Variants in LRRC66 observed in about 807,000 individuals in gnomAD.
LRRC66 encodes the protein leucine rich repeat containing 66, also known as leucine-rich repeat-containing protein 66.
LRRC66 carries 29 observed loss-of-function variants against 24.6 expected under a neutral mutation model. The ratio of observed to expected loss-of-function variants is 1.18; its 90% confidence interval spans 0.88 to 1.61. LRRC66 has a LOEUF of 1.61. Ranked by LOEUF, LRRC66 falls within the 40% of genes most tolerant of loss-of-function variation. The probability of loss-of-function intolerance (pLI) is 0.00; values close to 1 mark genes in which losing one functional copy is unlikely to be tolerated. For synonymous variants in LRRC66, 411 were observed against 397.6 expected, an observed-to-expected ratio of 1.03 and a Z score of -0.40; for missense variants, 1,124 against 1,058.0, an observed-to-expected ratio of 1.06 and a Z score of -0.87.
rs544683243 is a variant in LRRC66, at chr4:52,017,436, G to C, written c.178C>G (p.Gln60Glu). 1.4e-5 allele frequency: 23 copies of C among 1,613,936 alleles called. No individual in the cohort carries two copies. Among genetic ancestry groups the C allele is most frequent in the Non-Finnish European group, 1.9e-5 (22 of 1,179,980 alleles). Residue 60 changes from glutamine to glutamate, a missense_variant, in exon 2 of 5, where the codon CAG (glutamine) becomes GAG (glutamate). Transcript: ENST00000682860. ...GKCDIPVDISQTAATVDVSFN... is the reference protein window; with the variant it reads ...GKCDIPVDISETAATVDVSFN... Reference sequence around the variant, plus strand: ...CTTACATCCACAGTGGCTGCTGTCTGTGATATGTCCACAGGTATATCACAC... The same window carrying C: ...CTTACATCCACAGTGGCTGCTGTCTCTGATATGTCCACAGGTATATCACAC...
At chr4:51,996,757 G>A (rs1023431874) in intron 4 of LRRC66, among the ~76,000 whole-genome samples, 1 of 152,190 alleles carries the variant, frequency 6.6e-6, no homozygotes. Context: ...AGAGGTCCTG[G>A]AGGTTGTATG....
In LRRC66 at chr4:51,994,490, T is replaced by G. The variant is rs1267439968; in HGVS notation, c.2532A>C (p.Leu844Phe). Reference protein sequence around the residue: ...AAEWHCSLRDLEFSNVDVLQQ... With the variant: ...AAEWHCSLRDFEFSNVDVLQQ... ...GTAAAACGTCCACATTTGAAAATTCTAAGTCTCTAAGTGAGCAATGCCATT... is the reference window on the plus strand; with the variant it reads ...GTAAAACGTCCACATTTGAAAATTCGAAGTCTCTAAGTGAGCAATGCCATT... Residue 844 changes from leucine to phenylalanine, a missense_variant, in exon 5 of 5, where the codon TTA becomes TTC. Coordinates refer to ENST00000682860, the MANE Select transcript of LRRC66 (RefSeq NM_001024611.3). 1 of 1,614,130 alleles carries G rather than the reference T, an allele frequency of 6.2e-7. No homozygotes were observed. Among genetic ancestry groups the G allele is most frequent in the African/African-American group, 1.3e-5 (1 of 74,954 alleles).
rs1384428358 is a variant in LRRC66, at chr4:51,997,875, T to C, written c.729A>G (p.Glu243=). Residue 243 remains glutamate (E), a synonymous_variant, in exon 4 of 5, where the codon GAA becomes GAG. Transcript: ENST00000682860. Reference sequence around the variant, plus strand: ...CCAAGTCAACCACTAGATGGGGAAATTCTAGAGCTATGATCATCATTGGTA... The same window carrying C: ...CCAAGTCAACCACTAGATGGGGAAACTCTAGAGCTATGATCATCATTGGTA... ...TILPMMIIAL[E]FPHLVVDLAD... The C allele has an allele frequency of 6.2e-7, 1 of 1,614,074 alleles. No homozygotes were observed. Among genetic ancestry groups the C allele is most frequent in the Non-Finnish European group, 8.5e-7 (1 of 1,179,978 alleles).
At position 51,996,244 on chromosome 4, in the gene LRRC66, T is replaced by C; in HGVS notation, c.857-79A>G. The C allele has an allele frequency of 2.2e-6, 3 of 1,370,028 alleles. No individual in the cohort carries two copies. The South Asian group carries it at 4.5e-5, about 21-fold the overall frequency. 84.9% of individuals were successfully genotyped at this position (1,370,028 alleles called of 1,614,324 possible). A position where few individuals can be genotyped will look rare whatever the true frequency, so the allele number is the denominator to read the frequency against. On this transcript the variant is annotated intron_variant, in intron 4 of 4. Coordinates refer to ENST00000682860, the MANE Select transcript of LRRC66 (RefSeq NM_001024611.3). Reference sequence around the variant, plus strand: ...AGGGGTTTTTCTCTTTTTTACAGAATTGAAAAAAATTCAATTTTTTTGAAT... The same window carrying C: ...AGGGGTTTTTCTCTTTTTTACAGAACTGAAAAAAATTCAATTTTTTTGAAT...
rs1306974617 is a variant in LRRC66, at chr4:52,007,090, T to G, written c.497-3698A>C. ...ATGAAATTGCCAGATGTATTGGGAG[T>G]TGCTTAGTTAATCTGCTTGTGTCAC... On this transcript the variant is annotated intron_variant, in intron 2 of 4. Transcript: ENST00000682860. Among the ~76,000 whole-genome samples the G allele has an allele frequency of 2.0e-5, 3 of 152,220 alleles. No homozygotes were observed. The East Asian group carries it at 5.8e-4, about 29-fold the overall frequency.
chr4:51,997,530 CTG>C (rs1199985458), intron 4 of LRRC66, among the ~76,000 whole-genome samples: 1 of 152,168 alleles, frequency 6.6e-6, no homozygotes, highest in Non-Finnish European at 1.5e-5. Context: ...GTGAGTTGAA[CTG>C]TGTTTCTTTG....
chr4:52,007,771 G>A (rs1736620074), intron 2 of LRRC66, among the ~76,000 whole-genome samples: 2 of 152,188 alleles, frequency 1.3e-5, no homozygotes, highest in Admixed American at 1.3e-4. Flanking sequence ...TGTGAGCAAA[G>A]ATCTGAAGCA....
Position 51,996,111 on chromosome 4 carries a change from C to A in LRRC66, c.911G>T (p.Arg304Leu), listed in dbSNP as rs763070681. ...GCGATGCAGATGAATGGGAGGAAGG[C>A]GGGTTTCCCTGGAAATCCTGCTCTG... The part of the protein sequence containing the change: ...TPQSRISRET[R>L]LPPIHLHRMK... Residue 304 changes from arginine to leucine, a missense_variant, in exon 5 of 5, where the codon CGC becomes CTC. By Grantham distance (102) the Arg-to-Leu change is moderately radical. Coordinates refer to ENST00000682860, the MANE Select transcript of LRRC66 (RefSeq NM_001024611.3). 1.9e-6 allele frequency: 3 copies of A among 1,613,814 alleles called. No homozygotes were observed. Among genetic ancestry groups the A allele is most frequent in the East Asian group, 4.5e-5 (2 of 44,864 alleles).
In LRRC66 at chr4:51,994,488, T is replaced by C. The variant is rs1435363823; in HGVS notation, c.2534A>G (p.Glu845Gly). 3 of 1,614,070 alleles carry C rather than the reference T, an allele frequency of 1.9e-6. No individual in the cohort carries two copies. Among genetic ancestry groups the C allele is most frequent in the Non-Finnish European group, 2.5e-6 (3 of 1,180,038 alleles). Residue 845 changes from glutamate (E) to glycine (G), a missense_variant, in exon 5 of 5, where the codon GAA (glutamate) becomes GGA (glycine). By Grantham distance (98) the Glu-to-Gly change is moderately conservative (BLOSUM62 -2). Coordinates refer to ENST00000682860, the MANE Select transcript of LRRC66 (RefSeq NM_001024611.3). ...AEWHCSLRDL[E>G]FSNVDVLQQT... Reference sequence around the variant, plus strand: ...CTGTAAAACGTCCACATTTGAAAATTCTAAGTCTCTAAGTGAGCAATGCCA... The same window carrying C: ...CTGTAAAACGTCCACATTTGAAAATCCTAAGTCTCTAAGTGAGCAATGCCA...
At chr4:52,007,349 TTTTTC>T (rs1337529136) in intron 2 of LRRC66, among the ~76,000 whole-genome samples, 2 of 152,136 alleles carry the variant, frequency 1.3e-5, no homozygotes, top group East Asian at 1.9e-4. Flanking sequence ...TGGCTATTTT[TTTTTC>T]TTTTAATTTT....
At chr4:52,001,037 TG>T (rs1736435374) in intron 3 of LRRC66, among the ~76,000 whole-genome samples, 2 of 152,238 alleles carry the variant, frequency 1.3e-5, no homozygotes, top group South Asian at 4.1e-4. Flanking sequence ...TTTTAAAATA[TG>T]TGTTAGGTAC....
chr4:52,018,713 G>T, intron 1 of LRRC66: 1 of 566,832 alleles, frequency 1.8e-6, no homozygotes, highest in Non-Finnish European at 2.2e-6. Flanking sequence ...AATCCCTCAG[G>T]TTGGTATTCA....
chr4:51,995,628 G>A lies in LRRC66; in HGVS notation c.1394C>T (p.Pro465Leu). ...TCTATCAGGAATTACGGTGGCGTGT[G>A]GGTGTGGCTGTGTCACCCAGAAAGG... ...QTPFWVTQPH[P>L]HATVIPDRTL... Residue 465 changes from proline to leucine, a missense_variant, in exon 5 of 5, where the codon CCA becomes CTA. Transcript: ENST00000682860. The A allele has an allele frequency of 6.2e-7, 1 of 1,614,050 alleles. No individual in the cohort carries two copies. The highest frequency in any genetic ancestry group is 8.5e-7 in the Non-Finnish European group (1 of 1,179,998).
chr4:51,995,511 G>A lies in LRRC66; in HGVS notation c.1511C>T (p.Ala504Val), dbSNP rs777531737. The A allele has an allele frequency of 1.2e-6, 2 of 1,614,148 alleles. No individual in the cohort carries two copies. Among genetic ancestry groups the A allele is most frequent in the Non-Finnish European group, 8.5e-7 (1 of 1,180,036 alleles). ...ATGTCTCTGGAGAATGGAATAGACT[G>A]CACCATCATTTCCACTTCCTGCCCC... ...NTGAGSGNDG[A>V]VYSILQRHPH... Residue 504 changes from alanine to valine, a missense_variant, in exon 5 of 5, where the codon GCA (alanine) becomes GTA (valine). Transcript: ENST00000682860.
At chr4:52,015,147 C>T (rs1158658230) in intron 2 of LRRC66, among the ~76,000 whole-genome samples, 2 of 152,160 alleles carry the variant, frequency 1.3e-5, no homozygotes, top group African/African-American at 4.8e-5. Flanking sequence ...TAATCTCTTA[C>T]TTCCCTATAT....
At chr4:52,018,910 CTT>C (rs1047157439) in intron 1 of LRRC66, among the ~76,000 whole-genome samples, 13 of 152,160 alleles carry the variant, frequency 8.5e-5, no homozygotes, top group Admixed American at 5.2e-4. Context: ...GAGTTTCGCT[CTT>C]GTTACCCAGG....
At chr4:52,018,553 T>C in intron 1 of LRRC66, 1 of 985,460 alleles carries the variant, frequency 1.0e-6, no homozygotes, top group Non-Finnish European at 1.2e-6. Flanking sequence ...CTAAAATGGC[T>C]TAACTGACTT....
In LRRC66 at chr4:51,999,085, G is replaced by T. The variant is rs138559094; in HGVS notation, c.667-1148C>A. Among the ~76,000 whole-genome samples, 1,153 of 152,306 alleles carry T rather than the reference G, an allele frequency of 7.6e-3. 9 individuals are homozygous for T. Among genetic ancestry groups the T allele is most frequent in the Non-Finnish European group, 0.013 (909 of 68,032 alleles). On this transcript the variant is annotated intron_variant, in intron 3 of 4. Transcript: ENST00000682860. ...GAGCCCCTGCTACACTAGAGTGAAG[G>T]AAGGGCTGGGCTGAGGAGGCCTGGG... is the stretch of plus-strand genomic sequence containing the variant.
intron 2 of LRRC66, among the ~76,000 whole-genome samples, chr4:52,014,966 T>C (rs1578118800): frequency 6.6e-6 from 1 of 152,134 alleles, no homozygotes; most frequent in African/African-American, 2.4e-5. Context: ...GGCAAAAGCT[T>C]AACTCAAAAA....
Sources: gnomAD v4.1 joint callset for allele counts (sites outside exome capture counted in the v4.1 genomes callset) on GRCh38, gnomAD v4.1.1 for gene constraint, MANE v1.5 for transcripts, NCBI Gene and HGNC (gene_info 2026-07-23, HGNC 2026-07-21) for gene names.